The following CCDC93 variants were observed in gnomAD, a reference collection of about 807,000 sequenced individuals.
CCDC93 encodes CCC complex scaffolding subunit CCDC93, also known as coiled-coil domain-containing protein 93.
In CCDC93, 61 loss-of-function variants were observed where a neutral mutation model predicts 108.2. The ratio of observed to expected loss-of-function variants is 0.56; its 90% CI spans 0.46 to 0.70. The LOEUF (loss-of-function observed/expected upper bound fraction) is 0.70. Ranked by LOEUF, CCDC93 falls within the 30% of genes least tolerant of loss-of-function variation. The pLI is 0.00. For missense variants in CCDC93, 685 were observed against 764.2 expected (o/e 0.90, Z 1.22); for synonymous variants, 276 against 260.4 (o/e 1.06, Z -0.58).
chr2:117,922,197 C>A, intron 23 of CCDC93, among the ~76,000 whole-genome samples: 1 of 152,218 alleles, frequency 6.6e-6, no homozygotes, highest in East Asian at 1.9e-4. Context: ...AGAACTCTAC[C>A]GTGGGGAACT....
chr2:117,942,849 G>C (rs1678745416), intron 18 of CCDC93, among the ~76,000 whole-genome samples: 1 of 152,156 alleles, frequency 6.6e-6, no homozygotes, highest in African/African-American at 2.4e-5. Flanking sequence ...TCCCAACTTT[G>C]AAAAGCCCCA....
At chr2:117,984,127 C>G (rs1191916727) in intron 7 of CCDC93, among the ~76,000 whole-genome samples, 7 of 151,970 alleles carry the variant, frequency 4.6e-5, no homozygotes, top group African/African-American at 1.7e-4. Context: ...TCAGAATGTC[C>G]TAAGTACCCA....
chr2:117,921,410 T>C (rs992205992), intron 23 of CCDC93, among the ~76,000 whole-genome samples: 1 of 152,058 alleles, frequency 6.6e-6, no homozygotes, highest in African/African-American at 2.4e-5. Flanking sequence ...TAGTAGCTCA[T>C]GATACCTCCA....
At position 117,940,793 on chromosome 2, in the gene CCDC93, T is replaced by C. The variant is rs534800879; in HGVS notation, c.1522+396A>G. 3.9e-5 allele frequency among the ~76,000 whole-genome samples: 6 copies of C among 152,142 alleles called. No individual in the cohort carries two copies. In the South Asian group the frequency reaches 1.2e-3, roughly 32 times the overall value. On this transcript the variant is annotated intron_variant, in intron 19 of 23. Transcript: ENST00000376300. ...CTGGGTTACTGGGTGAATATGATGCTGTTAAGGGTTAAGGACCACATCAGC... is the reference window on the plus strand; with the variant it reads ...CTGGGTTACTGGGTGAATATGATGCCGTTAAGGGTTAAGGACCACATCAGC...
chr2:117,993,378 A>G (rs772745122), intron 6 of CCDC93, among the ~76,000 whole-genome samples: 1 of 149,886 alleles, frequency 6.7e-6, no homozygotes, highest in Non-Finnish European at 1.5e-5. Context: ...CCTGGGAGAC[A>G]GCGAGACTCC....
intron 6 of CCDC93, among the ~76,000 whole-genome samples, chr2:117,989,053 C>T (rs1201034511): frequency 6.6e-6 from 1 of 152,190 alleles, no homozygotes; most frequent in South Asian, 2.1e-4. Context: ...CAACTATTGG[C>T]TCAAAAGTTG....
chr2:117,946,961 G>A, intron 15 of CCDC93, 79 bp from the exon 16 acceptor site: 1 of 1,068,052 alleles, frequency 9.4e-7, no homozygotes, highest in Non-Finnish European at 1.5e-6. Flanking sequence ...TGGTCCACAA[G>A]TCTTATTTTC....
intron 23 of CCDC93, among the ~76,000 whole-genome samples, chr2:117,920,704 C>T (rs754540706): frequency 6.6e-6 from 1 of 152,182 alleles, no homozygotes; most frequent in African/African-American, 2.4e-5. Flanking sequence ...AGAAAGCACA[C>T]TTATCTGCCA....
intron 5 of CCDC93, chr2:117,995,819 T>C (rs151169529): frequency 4.1e-4 from 96 of 233,598 alleles, no homozygotes; most frequent in African/African-American, 1.9e-3. Flanking sequence ...AAGCCTCAGT[T>C]TCTCTGTCTA....
intron 11 of CCDC93, among the ~76,000 whole-genome samples, chr2:117,964,526 G>A (rs1225799610): frequency 1.3e-5 from 2 of 152,140 alleles, no homozygotes; most frequent in Non-Finnish European, 2.9e-5. Context: ...AAACGAAACA[G>A]TGCTTGAGGG....
chr2:117,958,657 C>T (rs1679294047), intron 11 of CCDC93, among the ~76,000 whole-genome samples, 176 bp from the exon 12 acceptor site: 1 of 152,142 alleles, frequency 6.6e-6, no homozygotes, highest in Non-Finnish European at 1.5e-5. Flanking sequence ...ACACAATGAC[C>T]AAAATCCCTA....
chr2:117,951,065 A>G (rs1293994488), intron 13 of CCDC93: 1 of 900,612 alleles, frequency 1.1e-6, no homozygotes, highest in African/African-American at 2.7e-5. Context: ...TAGTATAAAA[A>G]GCTCCTTTAT....
At chr2:117,998,008 T>C (rs1252836634) in intron 4 of CCDC93, 2 of 152,234 alleles carry the variant, frequency 1.3e-5, no homozygotes, top group Non-Finnish European at 2.9e-5. Flanking sequence ...AACAGATGTT[T>C]TGGAGTTTCC....
chr2:118,009,320 A>G (rs966649697), intron 1 of CCDC93, among the ~76,000 whole-genome samples: 1 of 152,084 alleles, frequency 6.6e-6, no homozygotes, highest in Admixed American at 6.5e-5. Context: ...GCAGTGAGCC[A>G]AGATCGTACC....
intron 11 of CCDC93, among the ~76,000 whole-genome samples, chr2:117,967,249 T>C (rs1285585161): frequency 6.6e-6 from 1 of 152,228 alleles, no homozygotes; most frequent in Non-Finnish European, 1.5e-5. Flanking sequence ...TGCCTCAGCC[T>C]TCCAAAGTGC....
chr2:117,995,277 T>C, intron 6 of CCDC93, 169 bp downstream of exon 6: 1 of 653,358 alleles, frequency 1.5e-6, no homozygotes, highest in East Asian at 2.6e-5. Flanking sequence ...ACTGGTGTCC[T>C]GGCCCTGAGC....
chr2:117,973,653 T>C (rs986918739), intron 11 of CCDC93, among the ~76,000 whole-genome samples: 7 of 152,196 alleles, frequency 4.6e-5, no homozygotes, highest in African/African-American at 1.7e-4. Context: ...TTATCAAATG[T>C]GATAACTGCT....
At chr2:117,942,822 T>C (rs1188122877) in intron 18 of CCDC93, among the ~76,000 whole-genome samples, 2 of 152,202 alleles carry the variant, frequency 1.3e-5, no homozygotes, top group Non-Finnish European at 2.9e-5. Flanking sequence ...CCTTGGACAT[T>C]TCAATGTGGT....
At chr2:117,922,456 AC>A (rs763577614) in intron 23 of CCDC93, among the ~76,000 whole-genome samples, 12 of 152,324 alleles carry the variant, frequency 7.9e-5, no homozygotes, top group Non-Finnish European at 1.8e-4. Context: ...AAGGTTATGT[AC>A]CGAAAGCCAG....
Sources: gnomAD v4.1 joint callset for allele counts (sites outside exome capture counted in the v4.1 genomes callset) on GRCh38, gnomAD v4.1.1 for gene constraint, MANE v1.5 for transcripts, NCBI Gene and HGNC (gene_info 2026-07-23, HGNC 2026-07-21) for gene names.